PLEKHG1: variants seen among roughly 807,000 people sequenced by gnomAD.
PLEKHG1 encodes the protein pleckstrin homology domain-containing family G member 1.
A neutral mutation model predicts 100.8 loss-of-function variants in PLEKHG1; 44 were observed. That is an observed-to-expected ratio of 0.44 (90% CI 0.34 to 0.56). The LOEUF (loss-of-function observed/expected upper bound fraction) is 0.56, where lower values mean the gene tolerates loss of function less well. Among genes scored for constraint, PLEKHG1 ranks in the 20% least tolerant of loss-of-function variants. The pLI, the probability that PLEKHG1 is intolerant of heterozygous loss-of-function variation, is 0.01. For missense variants in PLEKHG1, 1,545 were observed against 1,720.9 expected (o/e 0.90, Z 1.81); for synonymous variants, 640 against 662.5 (o/e 0.97, Z 0.52).
chr6:150,731,238 A>G (rs1782235660), intron 1 of PLEKHG1, among the ~76,000 whole-genome samples: 1 of 152,198 alleles, frequency 6.6e-6, no homozygotes. Flanking sequence ...CTTAACTACT[A>G]TAACCAATTC....
Position 150,831,251 on chromosome 6 carries a change from T to A in PLEKHG1, c.2140T>A (p.Tyr714Asn). Residue 714 changes from tyrosine to asparagine, a missense_variant, in exon 15 of 16, where the codon TAC becomes AAC. By Grantham distance (143) the Tyr-to-Asn change is moderately radical (BLOSUM62 -2). Coordinates refer to ENST00000358517, the Ensembl canonical transcript of PLEKHG1. This position sits in a 1 kb window ranked among gnomAD's most constrained non-coding sequence, Gnocchi z 4.1. ...AGCTGGCCACAGTAAGGGCTCTCTT[T>A]ACGCACAAACAGATGGCACCCTCTC... 1.2e-6 allele frequency: 2 copies of A among 1,614,102 alleles called. No homozygotes were observed. Among genetic ancestry groups the A allele is most frequent in the Non-Finnish European group, 1.7e-6 (2 of 1,180,018 alleles).
intron 3 of PLEKHG1, among the ~76,000 whole-genome samples, chr6:150,674,680 T>TCTCTCTCC (rs1562427813): frequency 3.0e-5 from 4 of 132,788 alleles, no homozygotes; most frequent in African/African-American, 1.2e-4. Flanking sequence ...TCTCTCTCTC[T>TCTCTCTCC]CTCCCCCCTC....
intron 14 of PLEKHG1, chr6:150,827,815 T>A: frequency 1.4e-6 from 2 of 1,389,438 alleles, no homozygotes; most frequent in Non-Finnish European, 2.0e-6. Context: ...TATGAAGATA[T>A]GACTTTGGAA....
Position 150,699,870 on chromosome 6 carries a change from G to A in PLEKHG1, c.-98-33714G>A, listed in dbSNP as rs370335552. Among the ~76,000 whole-genome samples, 40 of 152,204 alleles carry A rather than the reference G, an allele frequency of 2.6e-4. 1 individual carries two copies. The highest frequency in any genetic ancestry group is 8.2e-4 in the African/African-American group (34 of 41,522). On this transcript the variant is annotated intron_variant, in intron 3 of 3. Transcript: ENST00000367326. ...AAGAAAACTTTGAAATTGTCTGATC[G>A]TCCTTCCCTTCTGAGGATAAAGACT...
chr6:150,806,847 A>T (rs1562535555), intron 7 of PLEKHG1, among the ~76,000 whole-genome samples: 1 of 146,712 alleles, frequency 6.8e-6, no homozygotes, highest in Non-Finnish European at 1.5e-5. Context: ...AAAAAAAAAA[A>T]AAAATGAAAT....
At chr6:150,836,691 C>T (rs1362215324) in intron 15 of PLEKHG1, among the ~76,000 whole-genome samples, 13 of 151,972 alleles carry the variant, frequency 8.6e-5, no homozygotes, top group Admixed American at 7.9e-4. Context: ...GGCACAGTGG[C>T]TCATGCCTAT....
rs1484040656 is a variant in PLEKHG1, at chr6:150,809,633, A to C, written c.1192-15A>C. On this transcript the variant is annotated splice_polypyrimidine_tract_variant and intron_variant, in intron 9 of 15. Coordinates refer to ENST00000358517, the Ensembl canonical transcript of PLEKHG1. ...GGAATCAAGTTGTCTGACTGTCTACATCTCGTCTTGGCAGGCCAAATCCCA... is the reference window on the plus strand; with the variant it reads ...GGAATCAAGTTGTCTGACTGTCTACCTCTCGTCTTGGCAGGCCAAATCCCA... 6.2e-7 allele frequency: 1 copy of C among 1,610,468 alleles called. No homozygotes were observed. Among genetic ancestry groups the C allele is most frequent in the Admixed American group, 1.7e-5 (1 of 59,976 alleles).
intron 1 of PLEKHG1, among the ~76,000 whole-genome samples, chr6:150,618,608 G>T (rs2101665): frequency 0.14 from 21,092 of 152,198 alleles, 1,526 homozygotes; most frequent in East Asian, 0.22. Flanking sequence ...ATAGTAAAAT[G>T]CAGGGAAATA....
intron 3 of PLEKHG1, among the ~76,000 whole-genome samples, chr6:150,707,003 T>TTC (rs1781048898): frequency 7.7e-6 from 1 of 129,920 alleles, no homozygotes; most frequent in South Asian, 2.8e-4. Flanking sequence ...TTTTTCTTTT[T>TTC]TTTTTTTTTT....
Position 150,795,062 on chromosome 6 carries a change from C to A in PLEKHG1, c.583-794C>A, listed in dbSNP as rs557932607. ...TAAAAAAAAATTGGAGAATGTGAAA[C>A]CCCACCAAAATAATCTGTGGCTCTT... On this transcript the variant is annotated intron_variant, in intron 4 of 15. Coordinates refer to ENST00000358517, the Ensembl canonical transcript of PLEKHG1. Among the ~76,000 whole-genome samples the A allele has an allele frequency of 1.1e-4, 17 of 152,094 alleles. No homozygotes were observed. The South Asian group carries it at 3.5e-3, about 32-fold the overall frequency.
chr6:150,765,736 G>A (rs1005129652), intron 2 of PLEKHG1, among the ~76,000 whole-genome samples: 1 of 152,086 alleles, frequency 6.6e-6, no homozygotes, highest in South Asian at 2.1e-4. Context: ...ATCACACACC[G>A]ATTCTTTTGT....
chr6:150,810,072 G>C (rs1468626404), intron 10 of PLEKHG1, among the ~76,000 whole-genome samples: 1 of 151,916 alleles, frequency 6.6e-6, no homozygotes, highest in Non-Finnish European at 1.5e-5. Flanking sequence ...AAGGCAGGTG[G>C]AACACTTGAG....
At chr6:150,626,995 A>G (rs556220553) in intron 1 of PLEKHG1, among the ~76,000 whole-genome samples, 1 of 152,344 alleles carries the variant, frequency 6.6e-6, no homozygotes, top group East Asian at 1.9e-4. Context: ...CATGCTGGGA[A>G]AAAGGGGCGA....
chr6:150,668,389 C>T (rs1472537756), intron 3 of PLEKHG1, among the ~76,000 whole-genome samples: 2 of 152,158 alleles, frequency 1.3e-5, no homozygotes, highest in African/African-American at 4.8e-5. Flanking sequence ...TCTTGGAGAG[C>T]CAACAGTTCC....
At chr6:150,628,584 C>G (rs1384039181) in intron 1 of PLEKHG1, among the ~76,000 whole-genome samples, 1 of 58,798 alleles carries the variant, frequency 1.7e-5, no homozygotes, top group Middle Eastern at 8.9e-3. Context: ...ACACCCCGTC[C>G]TTGCCCTCCT....
chr6:150,699,637 A>T (rs964372583), intron 3 of PLEKHG1, among the ~76,000 whole-genome samples: 4 of 152,342 alleles, frequency 2.6e-5, no homozygotes, highest in Admixed American at 2.6e-4. Context: ...TGTCTGGCTC[A>T]GTCATACCAT....
chr6:150,667,092 GTGTGTGTGTT>G (rs1458715560), intron 3 of PLEKHG1, among the ~76,000 whole-genome samples: 1 of 150,022 alleles, frequency 6.7e-6, no homozygotes, highest in African/African-American at 2.5e-5. Context: ...AAAAGGGGGT[GTGTGTGTGTT>G]TGTGTGTGTG....
chr6:150,735,334 C>T (rs573108873), intron 2 of PLEKHG1, among the ~76,000 whole-genome samples: 20 of 152,250 alleles, frequency 1.3e-4, no homozygotes, highest in Admixed American at 5.9e-4. Flanking sequence ...TTGCTGCCTA[C>T]TAATACACCA....
chr6:150,644,332 G>A (rs1180253198), intron 2 of PLEKHG1, among the ~76,000 whole-genome samples: 2 of 96,564 alleles, frequency 2.1e-5, no homozygotes, highest in East Asian at 2.8e-4. Flanking sequence ...TTTTCTTTTC[G>A]TGTTTTTTTT....
Sources: gnomAD v4.1 joint callset for allele counts (sites outside exome capture counted in the v4.1 genomes callset) on GRCh38, gnomAD v4.1.1 for gene constraint, Gnocchi (gnomAD v3.1) non-coding constraint, MANE v1.5 for transcripts, NCBI Gene and HGNC (gene_info 2026-07-23, HGNC 2026-07-21) for gene names.